The following NLGN1 variants were observed in gnomAD, a reference collection of about 807,000 sequenced individuals.
NLGN1 encodes neuroligin-1.
A neutral mutation model predicts 65.5 loss-of-function variants in NLGN1; 12 were observed. That is an observed-to-expected ratio of 0.18 (90% CI 0.12 to 0.30). NLGN1 has a LOEUF of 0.30. Ranked by LOEUF, NLGN1 falls within the 10% of genes least tolerant of loss-of-function variation. NLGN1 has a pLI of 1.00. For synonymous variants in NLGN1, 350 were observed against 359.5 expected (o/e 0.97, Z 0.30); for missense variants, 750 against 1,007.1 (o/e 0.74, Z 3.46).
At chr3:173,574,947 C>G (rs1007826360) in intron 2 of NLGN1, among the ~76,000 whole-genome samples, 1 of 152,192 alleles carries the variant, frequency 6.6e-6, no homozygotes, top group Non-Finnish European at 1.5e-5. Context: ...TGCAGTGGCA[C>G]AATCATGGCT....
At chr3:173,642,810 C>A (rs1757618485) in intron 3 of NLGN1, among the ~76,000 whole-genome samples, 1 of 152,202 alleles carries the variant, frequency 6.6e-6, no homozygotes, top group East Asian at 1.9e-4. Context: ...GGTATCCAAT[C>A]AAAGGTTGCA....
chr3:173,756,167 A>C (rs895476616), intron 3 of NLGN1, among the ~76,000 whole-genome samples: 1 of 152,008 alleles, frequency 6.6e-6, no homozygotes, highest in Non-Finnish European at 1.5e-5. Flanking sequence ...TTTTGTATCC[A>C]ATAAGATAAA....
chr3:173,468,502 A>G (rs522816), intron 2 of NLGN1, among the ~76,000 whole-genome samples: 15,604 of 152,136 alleles, frequency 0.1, 888 homozygotes, highest in Admixed American at 0.14. Flanking sequence ...AACTGAGGCC[A>G]TCAAATACAC....
chr3:173,864,418 CTTTA>C (rs1729728558), intron 4 of NLGN1, among the ~76,000 whole-genome samples: 1 of 152,028 alleles, frequency 6.6e-6, no homozygotes, highest in South Asian at 2.1e-4. Context: ...AAAGCAAAGT[CTTTA>C]TTTATCATAA....
intron 4 of NLGN1, among the ~76,000 whole-genome samples, chr3:174,101,811 C>T (rs901720382): frequency 2.0e-5 from 3 of 152,088 alleles, no homozygotes; most frequent in Non-Finnish European, 4.4e-5. Context: ...TATCTGTCCT[C>T]AAAGGAAGAA....
chr3:173,750,171 T>C (rs1164674846), intron 3 of NLGN1, among the ~76,000 whole-genome samples: 1 of 150,906 alleles, frequency 6.6e-6, no homozygotes, highest in Non-Finnish European at 1.5e-5. Context: ...CAGCTCCTTA[T>C]CTCCTTCATA....
intron 4 of NLGN1, among the ~76,000 whole-genome samples, chr3:174,246,129 C>G (rs1449464956): frequency 6.6e-6 from 1 of 152,186 alleles, no homozygotes; most frequent in African/African-American, 2.4e-5. Flanking sequence ...AATTGTAGTA[C>G]TGTTTCCAGA....
chr3:173,440,580 C>T (rs2148793500), intron 2 of NLGN1, among the ~76,000 whole-genome samples: 1 of 152,222 alleles, frequency 6.6e-6, no homozygotes, highest in African/African-American at 2.4e-5. Context: ...TCTTGTACAT[C>T]TACATCAGAG....
chr3:174,050,286 T>G (rs1205400560), intron 4 of NLGN1, among the ~76,000 whole-genome samples: 1 of 152,132 alleles, frequency 6.6e-6, no homozygotes, highest in East Asian at 1.9e-4. Context: ...CATTAAGGTG[T>G]CAATTTCTCT....
intron 4 of NLGN1, among the ~76,000 whole-genome samples, chr3:174,168,637 T>C (rs1473297094): frequency 6.6e-6 from 1 of 152,112 alleles, no homozygotes; most frequent in African/African-American, 2.4e-5. Context: ...GATTCTTAGT[T>C]ATTTGCAGAA....
At chr3:173,567,704 G>C (rs1006683135) in intron 2 of NLGN1, among the ~76,000 whole-genome samples, 2 of 151,428 alleles carry the variant, frequency 1.3e-5, no homozygotes, top group African/African-American at 4.8e-5. Flanking sequence ...TCCTAATTTT[G>C]CTGCTATAAA....
intron 3 of NLGN1, among the ~76,000 whole-genome samples, chr3:173,712,494 C>G (rs2149953126): frequency 6.6e-6 from 1 of 152,264 alleles, no homozygotes; most frequent in Admixed American, 6.5e-5. Flanking sequence ...GACTCAGATT[C>G]TGGCTCTGCC....
At chr3:174,144,880 T>G (rs1227362051) in intron 4 of NLGN1, among the ~76,000 whole-genome samples, 1 of 152,212 alleles carries the variant, frequency 6.6e-6, no homozygotes, top group Non-Finnish European at 1.5e-5. Flanking sequence ...ATAGTTTCTT[T>G]TGCTGTGCAG....
chr3:173,839,516 G>A lies in NLGN1; in HGVS notation c.646+31684G>A, dbSNP rs951778467. Among the ~76,000 whole-genome samples, 6 of 151,306 alleles carry A rather than the reference G, an allele frequency of 4.0e-5. No individual in the cohort carries two copies. The South Asian group carries it at 8.4e-4, about 21-fold the overall frequency. On this transcript the variant is annotated intron_variant, in intron 4 of 6. Coordinates refer to ENST00000457714, the Ensembl canonical transcript of NLGN1. Reference sequence around the variant, plus strand: ...CAGCTCACTGCAACCTCTGCCTCCCGGATTCAAGCGATTCTTCTGCCTCAG... The same window carrying A: ...CAGCTCACTGCAACCTCTGCCTCCCAGATTCAAGCGATTCTTCTGCCTCAG...
At chr3:174,252,612 G>A (rs1744983019) in intron 4 of NLGN1, among the ~76,000 whole-genome samples, 1 of 151,970 alleles carries the variant, frequency 6.6e-6, no homozygotes, top group South Asian at 2.1e-4. Flanking sequence ...TTTCTCATTT[G>A]AAAAATTATA....
chr3:173,720,052 T>C (rs1202939000), intron 3 of NLGN1, among the ~76,000 whole-genome samples: 2 of 152,096 alleles, frequency 1.3e-5, no homozygotes, highest in Non-Finnish European at 2.9e-5. Flanking sequence ...AGTTTAAGGC[T>C]GCAGTGAGCT....
intron 2 of NLGN1, among the ~76,000 whole-genome samples, chr3:173,480,949 G>A (rs1727181494): frequency 6.6e-6 from 1 of 151,966 alleles, no homozygotes; most frequent in African/African-American, 2.4e-5. Context: ...CCCTTAAATT[G>A]CATTTATCAT....
intron 3 of NLGN1, among the ~76,000 whole-genome samples, chr3:173,648,008 T>C (rs1758547708): frequency 6.6e-6 from 1 of 152,130 alleles, no homozygotes; most frequent in African/African-American, 2.4e-5. Context: ...AATAAAAATA[T>C]AATCAGCCTT....
At chr3:173,404,344 G>A (rs1187691938) in intron 1 of NLGN1, among the ~76,000 whole-genome samples, 1 of 152,128 alleles carries the variant, frequency 6.6e-6, no homozygotes, top group African/African-American at 2.4e-5. Flanking sequence ...CTTACCTTCA[G>A]TATGTTAGAA....
Sources: allele counts gnomAD v4.1 joint callset (sites outside exome capture counted in the v4.1 genomes callset), GRCh38; gene constraint gnomAD v4.1.1; transcripts MANE v1.5; gene names NCBI Gene and HGNC (gene_info 2026-07-23, HGNC 2026-07-21).